The following SAMMSON variants were observed in gnomAD, a reference collection of about 807,000 sequenced individuals.
SAMMSON encodes the protein long intergenic non-protein coding RNA 1212.
intron 4 of SAMMSON, among the ~76,000 whole-genome samples, chr3:70,219,070 C>A (rs949057258): frequency 6.6e-6 from 1 of 152,114 alleles, no homozygotes; most frequent in Non-Finnish European, 1.5e-5. Context: ...AAAATTATTT[C>A]TAAACACCAA....
intron 2 of SAMMSON, among the ~76,000 whole-genome samples, chr3:70,417,070 C>T (rs555576042): frequency 1.1e-4 from 17 of 152,180 alleles, no homozygotes; most frequent in East Asian, 9.7e-4. Flanking sequence ...TCATCTTCTA[C>T]GCAATGTTCC....
rs1701523907 is a variant in SAMMSON at position 70,227,923 on chromosome 3, G to A, written n.508-21184G>A. The stretch of plus-strand genomic sequence containing the variant: ...GAGCTTTTAACTACCATGGTGCACT[G>A]CTTCTGCTAAAGCAAACTTAATAGG... On this transcript the variant is annotated intron_variant and non_coding_transcript_variant, in intron 4 of 9. Coordinates refer to ENST00000642114, the Ensembl canonical transcript of SAMMSON. Among the ~76,000 whole-genome samples the A allele has an allele frequency of 2.0e-5, 3 of 151,988 alleles. No homozygotes were observed. The South Asian group carries it at 6.2e-4, about 32-fold the overall frequency.
chr3:70,056,339 G>T (rs1048854961), intron 3 of SAMMSON, among the ~76,000 whole-genome samples: 2 of 152,008 alleles, frequency 1.3e-5, no homozygotes, highest in South Asian at 4.1e-4. Context: ...CAGACAAAAA[G>T]TCTTTTCATA....
intron 6 of SAMMSON, among the ~76,000 whole-genome samples, chr3:70,250,409 TCTCACACACACACACACA>T (rs1244223056): frequency 1.3e-4 from 17 of 126,344 alleles, no homozygotes; most frequent in South Asian, 1.2e-3. Context: ...TTTTAATGAA[TCTCACACACACACACACA>T]CACACACACA....
intron 4 of SAMMSON, among the ~76,000 whole-genome samples, chr3:70,136,622 C>A (rs544642370): frequency 6.6e-6 from 1 of 152,090 alleles, no homozygotes; most frequent in African/African-American, 2.4e-5. Context: ...TTGCTTCAGA[C>A]CTTTAAATTT....
chr3:70,042,708 A>G (rs2067110529), intron 3 of SAMMSON, among the ~76,000 whole-genome samples: 1 of 152,074 alleles, frequency 6.6e-6, no homozygotes, highest in Non-Finnish European at 1.5e-5. Context: ...CACCTTGACA[A>G]AGTCAAGGAC....
intron 3 of SAMMSON, among the ~76,000 whole-genome samples, chr3:70,016,026 A>C (rs79241231): frequency 2.7e-4 from 41 of 152,310 alleles, no homozygotes; most frequent in Non-Finnish European, 5.1e-4. Flanking sequence ...ATAAACATAC[A>C]TGTGCTTGTG....
chr3:70,016,170 A>C (rs1160172370), intron 3 of SAMMSON, among the ~76,000 whole-genome samples: 4 of 152,206 alleles, frequency 2.6e-5, no homozygotes, highest in Admixed American at 2.0e-4. Context: ...ACTAGTTTAC[A>C]GTCCCACCAG....
intron 9 of SAMMSON, among the ~76,000 whole-genome samples, chr3:70,367,128 C>G (rs1376986617): frequency 4.0e-5 from 6 of 151,556 alleles, no homozygotes; most frequent in African/African-American, 1.4e-4. Context: ...ATTGAGATAT[C>G]TTTCCATCAC....
intron 9 of SAMMSON, among the ~76,000 whole-genome samples, chr3:70,372,457 G>T (rs951637749): frequency 6.6e-6 from 1 of 151,858 alleles, no homozygotes; most frequent in Non-Finnish European, 1.5e-5. Flanking sequence ...GATTACAGGC[G>T]CCTGGCTCAT....
At chr3:70,148,707 A>G (rs573170140) in intron 4 of SAMMSON, among the ~76,000 whole-genome samples, 1 of 152,032 alleles carries the variant, frequency 6.6e-6, no homozygotes, top group African/African-American at 2.4e-5. Context: ...CATGGGACCT[A>G]CTAGAGCAAG....
chr3:70,330,535 A>C (rs1361106567), intron 7 of SAMMSON, among the ~76,000 whole-genome samples: 1 of 152,002 alleles, frequency 6.6e-6, no homozygotes, highest in East Asian at 1.9e-4. Flanking sequence ...AGGAGAGGAA[A>C]AACTCAATAT....
intron 6 of SAMMSON, among the ~76,000 whole-genome samples, chr3:70,281,663 T>C (rs1402034192): frequency 1.3e-5 from 2 of 152,164 alleles, no homozygotes; most frequent in Non-Finnish European, 2.9e-5. Context: ...GCACGATGGT[T>C]CTTCTCCCTG....
At chr3:70,135,222 CT>C (rs771563634) in intron 4 of SAMMSON, among the ~76,000 whole-genome samples, 47 of 152,174 alleles carry the variant, frequency 3.1e-4, no homozygotes, top group Non-Finnish European at 6.0e-4. Flanking sequence ...GATTATATGA[CT>C]GACTAATGGG....
At chr3:70,106,286 A>G (rs754689331) in intron 4 of SAMMSON, among the ~76,000 whole-genome samples, 3 of 151,764 alleles carry the variant, frequency 2.0e-5, no homozygotes, top group Non-Finnish European at 2.9e-5. Context: ...TTTTGTGTGT[A>G]TTTGTTAAAA....
rs373579841 is a variant in SAMMSON at position 70,366,242 on chromosome 3, G to A, written n.913+7918G>A. Among the ~76,000 whole-genome samples the A allele has an allele frequency of 1.9e-3, 265 of 138,836 alleles. 90 individuals are homozygous for A. The highest frequency in any genetic ancestry group is 0.011 in the East Asian group (51 of 4,856). 91.1% of individuals were successfully genotyped at this position (138,836 alleles called of 152,430 possible). On this transcript the variant is annotated intron_variant and non_coding_transcript_variant, in intron 9 of 9. Transcript: ENST00000642114. ...CCTGACCTCATGATCCACCCGCCTC[G>A]GCCTCCCAAAGTGCTGGGATTACAG... is the stretch of plus-strand genomic sequence containing the variant.
chr3:70,256,521 T>G (rs766102003), intron 6 of SAMMSON, among the ~76,000 whole-genome samples: 1 of 152,220 alleles, frequency 6.6e-6, no homozygotes, highest in Non-Finnish European at 1.5e-5. Context: ...TTAAGTGCCA[T>G]GTATTGAAAC....
intron 2 of SAMMSON, among the ~76,000 whole-genome samples, chr3:70,430,851 C>G (rs1325440277): frequency 6.6e-6 from 1 of 152,050 alleles, no homozygotes; most frequent in African/African-American, 2.4e-5. Context: ...ATAATTTATT[C>G]TCAGCCTTAG....
At chr3:70,011,540 A>C (rs2066955660) in intron 1 of SAMMSON, among the ~76,000 whole-genome samples, 1 of 151,876 alleles carries the variant, frequency 6.6e-6, no homozygotes, top group Non-Finnish European at 1.5e-5. Flanking sequence ...GCTTTCATTT[A>C]GTTGAAGATT....
Sources: gnomAD v4.1 joint callset for allele counts (sites outside exome capture counted in the v4.1 genomes callset) on GRCh38, gnomAD v4.1.1 for gene constraint, MANE v1.5 for transcripts, NCBI Gene and HGNC (gene_info 2026-07-23, HGNC 2026-07-21) for gene names.